Variants in MB observed in about 807,000 individuals in gnomAD.
MB encodes myoglobin.
MB carries 10 observed loss-of-function variants against 14.5 expected under a neutral mutation model. The observed-to-expected ratio is 0.69, with a 90% CI of 0.43 to 1.17. The LOEUF is 1.17. Among genes scored for constraint, MB ranks in the 50% most tolerant of loss-of-function variants. The probability of loss-of-function intolerance (pLI) is 0.00; values close to 1 mark genes in which losing one functional copy is unlikely to be tolerated. For missense variants in MB, 169 were observed against 192.7 expected (o/e 0.88, Z 0.73); for synonymous variants, 89 against 78.6 (o/e 1.13, Z -0.70).
upstream of MB, chr22:35,622,172 C>G (rs73883494): frequency 6.6e-6 from 1 of 152,222 alleles, no homozygotes; most frequent in African/African-American, 2.4e-5. Flanking sequence ...GGACTCCCCA[C>G]GATCTTCACT....
chr22:35,615,986 C>T (rs1923052727), intron 1 of MB, among the ~76,000 whole-genome samples: 1 of 152,210 alleles, frequency 6.6e-6, no homozygotes, highest in South Asian at 2.1e-4. Flanking sequence ...ACCAGCCATG[C>T]TCCCGAGGTA....
intron 1 of MB, among the ~76,000 whole-genome samples, chr22:35,613,327 C>A (rs1024785721): frequency 3.3e-5 from 5 of 152,202 alleles, no homozygotes; most frequent in Non-Finnish European, 7.3e-5. Context: ...CTGACAGTTA[C>A]GGAAGCTGAG....
intron 1 of MB, among the ~76,000 whole-genome samples, chr22:35,614,332 A>G (rs1922889806): frequency 6.6e-6 from 1 of 152,152 alleles, no homozygotes; most frequent in South Asian, 2.1e-4. Flanking sequence ...ATTGGCTTGT[A>G]ATCCCAGCAC....
At chr22:35,618,677 C>G (rs151279301), upstream of MB, among the ~76,000 whole-genome samples, 1 of 152,048 alleles carries the variant, frequency 6.6e-6, no homozygotes, top group African/African-American at 2.4e-5. Context: ...CTTTGTCTAT[C>G]CAGGCATTCA....
At chr22:35,623,088 G>A (rs1923569981) in intron 1 of MB, 1 of 152,222 alleles carries the variant, frequency 6.6e-6, no homozygotes, top group Non-Finnish European at 1.5e-5. Context: ...TGCACACCAG[G>A]GACACCCCTC....
intron 1 of MB, 125 bp downstream of exon 1, chr22:35,617,038 C>A: frequency 1.4e-6 from 1 of 704,046 alleles, no homozygotes. Context: ...AGCAAGTGAC[C>A]GTTCTAACAC....
upstream of MB, among the ~76,000 whole-genome samples, chr22:35,620,430 G>T (rs1003373962): frequency 1.3e-5 from 2 of 152,332 alleles, no homozygotes; most frequent in East Asian, 3.9e-4. Flanking sequence ...TCATTTGAAA[G>T]CCCATTACTG....
chr22:35,620,481 C>T (rs1289576227), upstream of MB, among the ~76,000 whole-genome samples: 2 of 152,232 alleles, frequency 1.3e-5, no homozygotes, highest in Middle Eastern at 3.2e-3. Flanking sequence ...GAAGGAAAGA[C>T]AACTCTGAGA....
chr22:35,611,417 C>A (rs45519932), intron 1 of MB, among the ~76,000 whole-genome samples: 8,649 of 152,250 alleles, frequency 0.057, 322 homozygotes, highest in Non-Finnish European at 0.084. Context: ...CTCACTATTG[C>A]AGGGGTGCTG....
At chr22:35,609,576 G>A (rs1922425313) in intron 2 of MB, among the ~76,000 whole-genome samples, 2 of 152,202 alleles carry the variant, frequency 1.3e-5, no homozygotes, top group South Asian at 4.1e-4. Context: ...TGGATTCAGA[G>A]CCTGGTTCCA....
upstream of MB, chr22:35,617,350 G>A (rs566065571): frequency 5.5e-4 from 519 of 944,398 alleles, 3 homozygotes; most frequent in Non-Finnish European, 9.4e-5. Context: ...GGTCCCAAGG[G>A]CGTTTTTATA....
At chr22:35,616,442 C>T (rs1002701529) in intron 1 of MB, among the ~76,000 whole-genome samples, 2 of 152,214 alleles carry the variant, frequency 1.3e-5, no homozygotes, top group Non-Finnish European at 2.9e-5. Context: ...TCGAAGGTCA[C>T]TAATGAGCCT....
At chr22:35,610,112 T>C (rs1366373428) in intron 2 of MB, among the ~76,000 whole-genome samples, 1 of 152,208 alleles carries the variant, frequency 6.6e-6, no homozygotes, top group African/African-American at 2.4e-5. Context: ...GACTTCCTGC[T>C]GTTTCTACCC....
chr22:35,610,777 T>C, intron 2 of MB, 107 bp downstream of exon 2: 1 of 830,332 alleles, frequency 1.2e-6, no homozygotes, highest in Non-Finnish European at 1.9e-6. Context: ...AAGAGTGGCA[T>C]AGGTCATCCC....
rs760810878 is a variant in MB at position 35,607,418 on chromosome 22, A to G, written c.344T>C (p.Val115Ala). Residue 115 changes from valine to alanine, a missense_variant, in exon 3 of 3, where the codon GTT becomes GCT. Physicochemically the swap from Val to Ala is moderately conservative, Grantham distance 64 (BLOSUM62 0). Transcript: ENST00000397326. ...LEFISECIIQ[V>A]LQSKHPGDFG... ...GTCCCCGGGATGCTTGCTCTGCAGA[A>G]CCTGGATGATGCATTCCGAGATGAA... 1.2e-6 allele frequency: 2 copies of G among 1,614,004 alleles called. No homozygotes were observed. The highest frequency in any genetic ancestry group is 1.3e-5 in the African/African-American group (1 of 75,050).
At chr22:35,609,037 A>G (rs964399844) in intron 2 of MB, among the ~76,000 whole-genome samples, 2 of 151,988 alleles carry the variant, frequency 1.3e-5, no homozygotes, top group Non-Finnish European at 2.9e-5. Context: ...TTTTAGGGAG[A>G]CCTGGGTTCT....
In MB at chr22:35,607,544, G is replaced by A. The variant is rs1286623692; in HGVS notation, c.319-101C>T. The A allele has an allele frequency of 1.2e-5, 14 of 1,184,102 alleles. No homozygotes were observed. The East Asian group carries it at 1.2e-4, about 10-fold the overall frequency. The allele number at this position is 1,184,102 out of a possible 1,614,324, so 73.3% of individuals were successfully genotyped here. On this transcript the variant is annotated intron_variant, in intron 2 of 2. Transcript: ENST00000397326. ...CCTACCTTCTCTTTATTCCAGGACC[G>A]TGTATTGAGCACTTGCTAGGCACCA... is the stretch of plus-strand genomic sequence containing the variant.
rs770842177 is a variant in MB, at chr22:35,607,431, A to C, written c.331T>G (p.Cys111Gly). Residue 111 changes from cysteine to glycine, a missense_variant, in exon 3 of 3, where the codon TGC becomes GGC. Coordinates refer to ENST00000397326, the MANE Select transcript of MB (RefSeq NM_005368.3). ...TTGCTCTGCAGAACCTGGATGATGC[A>C]TTCCGAGATGAACTGCAGGGAGGGT... ...PVKYLEFISE[C>G]IIQVLQSKHP... 6.2e-7 allele frequency: 1 copy of C among 1,613,916 alleles called. No individual in the cohort carries two copies. The highest frequency in any genetic ancestry group is 1.1e-5 in the South Asian group (1 of 91,062).
At chr22:35,619,981 C>A (rs1405920635), upstream of MB, among the ~76,000 whole-genome samples, 1 of 152,196 alleles carries the variant, frequency 6.6e-6, no homozygotes, top group East Asian at 1.9e-4. Flanking sequence ...GCTAGGCCAG[C>A]CGACCTCCAA....
Sources: allele counts gnomAD v4.1 joint callset (sites outside exome capture counted in the v4.1 genomes callset), GRCh38; gene constraint gnomAD v4.1.1; transcripts MANE v1.5; gene names NCBI Gene and HGNC (gene_info 2026-07-23, HGNC 2026-07-21).